Variants in EML6 observed in about 807,000 individuals in gnomAD.
The protein encoded by EML6 is echinoderm microtubule-associated protein-like 6.
Under a neutral mutation model 240.1 loss-of-function variants are expected in EML6, and 154 were observed. That is an observed-to-expected ratio of 0.64 (90% CI 0.56 to 0.73). The LOEUF is 0.73. EML6 is among the 30% of genes least tolerant of loss of function. The pLI, the probability that EML6 is intolerant of heterozygous loss-of-function variation, is 0.00. For synonymous variants in EML6, 1,148 were observed against 899.0 expected, an observed-to-expected ratio of 1.28 and a Z score of -4.95; for missense variants, 2,964 against 2,474.6, an observed-to-expected ratio of 1.20 and a Z score of -4.20.
At chr2:54,875,060 C>A (rs1671435890) in intron 16 of EML6, among the ~76,000 whole-genome samples, 1 of 152,160 alleles carries the variant, frequency 6.6e-6, no homozygotes, top group Admixed American at 6.5e-5. Context: ...AGTGTCATAC[C>A]TGGGACACTC....
intron 12 of EML6, among the ~76,000 whole-genome samples, chr2:54,863,413 C>T (rs1393466382): frequency 1.3e-5 from 2 of 152,054 alleles, no homozygotes; most frequent in African/African-American, 2.4e-5. Flanking sequence ...TCCCAGCTGC[C>T]AGGAGGCTGA....
At chr2:54,890,102 T>C (rs959804558) in intron 17 of EML6, among the ~76,000 whole-genome samples, 8 of 152,236 alleles carry the variant, frequency 5.3e-5, no homozygotes, top group African/African-American at 1.9e-4. Context: ...CATGGGTGAC[T>C]GTTAGGTTTT....
chr2:54,873,252 G>T (rs1671346946), intron 16 of EML6, among the ~76,000 whole-genome samples: 1 of 152,258 alleles, frequency 6.6e-6, no homozygotes, highest in African/African-American at 2.4e-5. Context: ...CTACAAATCT[G>T]AGCTGCTGTA....
intron 26 of EML6, among the ~76,000 whole-genome samples, chr2:54,921,552 AT>A (rs967041097): frequency 3.3e-5 from 5 of 152,044 alleles, no homozygotes; most frequent in African/African-American, 1.2e-4. Context: ...TTCCAAAGGC[AT>A]TTTTTTCACA....
intron 28 of EML6, among the ~76,000 whole-genome samples, chr2:54,934,399 C>T (rs1675026125): frequency 6.6e-6 from 1 of 152,066 alleles, no homozygotes; most frequent in South Asian, 2.1e-4. Flanking sequence ...CACGCATAAG[C>T]TGTCACTTTG....
chr2:54,910,325 CT>C (rs1371102633), intron 24 of EML6, among the ~76,000 whole-genome samples: 1 of 152,178 alleles, frequency 6.6e-6, no homozygotes, highest in Non-Finnish European at 1.5e-5. Flanking sequence ...GAAATCTAAC[CT>C]TTTTCAACGT....
intron 32 of EML6, among the ~76,000 whole-genome samples, chr2:54,954,581 A>G (rs1034567263): frequency 2.6e-5 from 4 of 152,014 alleles, no homozygotes; most frequent in Non-Finnish European, 5.9e-5. Flanking sequence ...ATCATGTTTT[A>G]TCATAGTCTC....
intron 2 of EML6, among the ~76,000 whole-genome samples, chr2:54,808,760 C>G (rs1426592869): frequency 1.3e-5 from 2 of 152,096 alleles, no homozygotes; most frequent in African/African-American, 2.4e-5. Flanking sequence ...TTCCATGACC[C>G]TTTTGATTCT....
chr2:54,803,854 C>T (rs1036811504), intron 2 of EML6, among the ~76,000 whole-genome samples: 1 of 152,212 alleles, frequency 6.6e-6, no homozygotes, highest in East Asian at 1.9e-4. Flanking sequence ...CTGGTCACCT[C>T]TCCCTGTGGT....
intron 26 of EML6, among the ~76,000 whole-genome samples, chr2:54,922,830 G>A (rs571242833): frequency 5.9e-5 from 9 of 152,146 alleles, no homozygotes; most frequent in East Asian, 3.9e-4. Context: ...ACATATACGT[G>A]GAAGCTAAAA....
intron 36 of EML6, among the ~76,000 whole-genome samples, chr2:54,963,533 A>T (rs568246268): frequency 3.3e-4 from 50 of 152,180 alleles, no homozygotes; most frequent in African/African-American, 1.1e-3. Flanking sequence ...AGGATTCAGA[A>T]TTTGAACTAG....
chr2:54,888,780 A>G (rs977290495), intron 17 of EML6, among the ~76,000 whole-genome samples: 6 of 152,172 alleles, frequency 3.9e-5, no homozygotes, highest in African/African-American at 1.4e-4. Flanking sequence ...AAGGACATCT[A>G]TGTTGCTGCC....
chr2:54,820,417 A>T lies in EML6; in HGVS notation c.480A>T (p.Pro160=). Reference sequence around the variant, plus strand: ...AGATTTTTGATATTTCCTGGGATCCATATCAGCCAAACAGAGTGGTTAGCT... The same window carrying T: ...AGATTTTTGATATTTCCTGGGATCCTTATCAGCCAAACAGAGTGGTTAGCT... The part of the protein sequence containing the change: ...SDRIFDISWD[P]YQPNRVVSCG... Residue 160 remains proline, a synonymous_variant, in exon 5 of 42, where the codon CCA becomes CCT. Coordinates refer to ENST00000356458, the MANE Select transcript of EML6 (RefSeq NM_001039753.4). 1.9e-6 allele frequency: 3 copies of T among 1,550,438 alleles called. No homozygotes were observed. The highest frequency in any genetic ancestry group is 2.6e-6 in the Non-Finnish European group (3 of 1,145,980).
In EML6 at chr2:54,970,382, A is replaced by G; in HGVS notation, c.*287A>G. The G allele has an allele frequency of 2.5e-6, 1 of 392,232 alleles. No individual in the cohort carries two copies. The highest frequency in any genetic ancestry group is 6.1e-5 in the South Asian group (1 of 16,354). 24.3% of individuals were successfully genotyped at this position (392,232 alleles called of 1,614,324 possible). On this transcript the variant is annotated 3_prime_UTR_variant, in exon 42 of 42. Transcript: ENST00000356458. ...CTAACTACATTGACAAAGAAATCCT[A>G]TCTGATAATGTAGCCCGCTGACGAA...
At chr2:54,957,007 A>G (rs1676263462) in intron 32 of EML6, among the ~76,000 whole-genome samples, 1 of 152,212 alleles carries the variant, frequency 6.6e-6, no homozygotes, top group Non-Finnish European at 1.5e-5. Context: ...TACTACTAAT[A>G]CTGGCTAACA....
chr2:54,790,534 G>A (rs922348734), intron 2 of EML6, among the ~76,000 whole-genome samples: 2 of 152,062 alleles, frequency 1.3e-5, no homozygotes, highest in African/African-American at 4.8e-5. Flanking sequence ...CACGGCTGGA[G>A]GGTCCATTCT....
In EML6 at chr2:54,968,162, C is replaced by G. The variant is rs943444814; in HGVS notation, c.5632C>G (p.Arg1878Gly). 1 of 1,551,536 alleles carries G rather than the reference C, an allele frequency of 6.4e-7. No homozygotes were observed. Among genetic ancestry groups the G allele is most frequent in the Non-Finnish European group, 8.7e-7 (1 of 1,146,986 alleles). Residue 1878 changes from arginine to glycine, a missense_variant, in exon 40 of 42, where the codon CGA becomes GGA. Transcript: ENST00000356458. ...LGDEVIGIWPRNADKADVNCA... is the reference protein window; with the variant it reads ...LGDEVIGIWPGNADKADVNCA... ...AGATGAAGTCATTGGAATCTGGCCACGAAATGCAGACAAGGCTGATGTCAA... is the reference window on the plus strand; with the variant it reads ...AGATGAAGTCATTGGAATCTGGCCAGGAAATGCAGACAAGGCTGATGTCAA...
In EML6 at chr2:54,774,491, A is replaced by G. The variant is rs551690592; in HGVS notation, c.198-38741A>G. Among the ~76,000 whole-genome samples, 179 of 152,320 alleles carry G rather than the reference A, an allele frequency of 1.2e-3. 1 individual carries two copies. Among genetic ancestry groups the G allele is most frequent in the South Asian group, 2.1e-3 (10 of 4,828 alleles). On this transcript the variant is annotated intron_variant, in intron 2 of 41. Coordinates refer to ENST00000356458, the MANE Select transcript of EML6 (RefSeq NM_001039753.4). The surrounding 1 kb of genome is among the most constrained non-coding windows in gnomAD (Gnocchi z 4.1). ...CAGCACTACCAGCAACATATCCTTC[A>G]TGGAAGGGGGTTCTGGATGGTTTTT...
intron 11 of EML6, among the ~76,000 whole-genome samples, chr2:54,855,054 T>C (rs1446657135): frequency 6.6e-6 from 1 of 152,194 alleles, no homozygotes; most frequent in Non-Finnish European, 1.5e-5. Context: ...AAGGTGTGCT[T>C]GGGTCTGGAA....
Sources: gnomAD v4.1 joint callset for allele counts (sites outside exome capture counted in the v4.1 genomes callset) on GRCh38, gnomAD v4.1.1 for gene constraint, Gnocchi (gnomAD v3.1) non-coding constraint, MANE v1.5 for transcripts, NCBI Gene and HGNC (gene_info 2026-07-23, HGNC 2026-07-21) for gene names.